MARK3: variants seen among roughly 807,000 people sequenced by gnomAD.
MARK3 encodes MAP/microtubule affinity-regulating kinase 3.
A neutral mutation model predicts 90.1 loss-of-function variants in MARK3; 46 were observed. The observed-to-expected ratio is 0.51, with a 90% CI of 0.40 to 0.65. The LOEUF is 0.65. Among genes scored for constraint, MARK3 ranks in the 30% least tolerant of loss-of-function variants. MARK3 has a pLI of 0.00. For missense variants in MARK3, 818 were observed against 947.2 expected, an observed-to-expected ratio of 0.86 and a Z score of 1.79; for synonymous variants, 321 against 332.6, an observed-to-expected ratio of 0.97 and a Z score of 0.38.
intron 15 of MARK3, among the ~76,000 whole-genome samples, chr14:103,492,346 G>A (rs2094031132): frequency 1.3e-5 from 2 of 152,054 alleles, no homozygotes; most frequent in African/African-American, 4.8e-5. Flanking sequence ...GGCAGACCTC[G>A]AGTTCTGGTG....
intron 14 of MARK3, chr14:103,490,172 A>C (rs987885713): frequency 1.3e-5 from 2 of 152,148 alleles, no homozygotes; most frequent in African/African-American, 4.8e-5. Flanking sequence ...AAAATTAGCC[A>C]GGCATGGTGG....
In MARK3 at chr14:103,468,194, T is replaced by C. The variant is rs745843076; in HGVS notation, c.1264+8T>C. 1.2e-6 allele frequency: 2 copies of C among 1,612,862 alleles called. No homozygotes were observed. The highest frequency in any genetic ancestry group is 1.7e-6 in the Non-Finnish European group (2 of 1,179,420). ...GACGCTACAGTGACCATGGTAAGTTTTGGAGTATCCCAGTGCCTTCTCTTA... is the reference window on the plus strand; with the variant it reads ...GACGCTACAGTGACCATGGTAAGTTCTGGAGTATCCCAGTGCCTTCTCTTA... On this transcript the variant is annotated splice_region_variant and intron_variant, in intron 12 of 17. Coordinates refer to ENST00000429436, the MANE Select transcript of MARK3 (RefSeq NM_001128918.3).
intron 3 of MARK3, among the ~76,000 whole-genome samples, chr14:103,431,593 C>T (rs1298701310): frequency 6.6e-6 from 1 of 151,970 alleles, no homozygotes; most frequent in Non-Finnish European, 1.5e-5. Context: ...CAAAAAAAAA[C>T]AAGAAATTTG....
At chr14:103,445,080 T>C (rs2092960563) in intron 3 of MARK3, among the ~76,000 whole-genome samples, 1 of 152,204 alleles carries the variant, frequency 6.6e-6, no homozygotes, top group African/African-American at 2.4e-5. Flanking sequence ...TGTTGATTTT[T>C]TTTTTTAGTT....
intron 1 of MARK3, among the ~76,000 whole-genome samples, chr14:103,389,813 G>A (rs1018516875): frequency 6.7e-5 from 10 of 149,544 alleles, no homozygotes; most frequent in African/African-American, 2.0e-4. Context: ...GTGCGGTGGC[G>A]GGCACCTGTA....
chr14:103,495,395 G>C (rs1487189071), intron 15 of MARK3, among the ~76,000 whole-genome samples: 1 of 151,644 alleles, frequency 6.6e-6, no homozygotes, highest in Non-Finnish European at 1.5e-5. Context: ...CAAGAGGATG[G>C]CTTGAACCCA....
chr14:103,441,116 A>G (rs1412758171), intron 3 of MARK3, among the ~76,000 whole-genome samples: 2 of 152,032 alleles, frequency 1.3e-5, no homozygotes, highest in African/African-American at 2.4e-5. Flanking sequence ...GGATATCATT[A>G]TATATCATGG....
In MARK3 at chr14:103,480,445, C is replaced by G; in HGVS notation, c.1541C>G (p.Thr514Ser). Residue 514 changes from threonine (T) to serine (S), a missense_variant, in exon 14 of 18, where the codon ACT becomes AGT. Physicochemically the swap from Thr to Ser is moderately conservative, Grantham distance 58. Coordinates refer to ENST00000429436, the MANE Select transcript of MARK3 (RefSeq NM_001128918.3). The part of the protein sequence containing the change: ...RRNTYVCSER[T>S]TADRHSVIQN... ...AATACTTATGTTTGCAGTGAGAGAACTACAGCTGATAGACACTCAGTGATT... is the reference window on the plus strand; with the variant it reads ...AATACTTATGTTTGCAGTGAGAGAAGTACAGCTGATAGACACTCAGTGATT... The G allele has an allele frequency of 6.2e-7, 1 of 1,613,480 alleles. No individual in the cohort carries two copies. The highest frequency in any genetic ancestry group is 1.7e-4 in the Middle Eastern group (1 of 6,060).
At chr14:103,389,196 C>T (rs1566748984) in intron 1 of MARK3, among the ~76,000 whole-genome samples, 1 of 151,570 alleles carries the variant, frequency 6.6e-6, no homozygotes, top group Non-Finnish European at 1.5e-5. Context: ...AACCCTGTCT[C>T]TACTAAAAAT....
chr14:103,459,599 A>G (rs779432703), intron 6 of MARK3, among the ~76,000 whole-genome samples: 1 of 152,056 alleles, frequency 6.6e-6, no homozygotes, highest in Non-Finnish European at 1.5e-5. Context: ...TCCCAGGTTC[A>G]AGCAATTCTC....
chr14:103,433,252 AT>A (rs2092636166), intron 3 of MARK3, among the ~76,000 whole-genome samples: 1 of 151,450 alleles, frequency 6.6e-6, no homozygotes, highest in African/African-American at 2.4e-5. Context: ...CGCCTGGCTA[AT>A]TTTTGTATTT....
In MARK3 at chr14:103,467,171, T is replaced by C. The variant is rs1192154599; in HGVS notation, c.1090T>C (p.Leu364=). The part of the protein sequence containing the change: ...YDEITATYLL[L]GRKSSELDAS... ...TGAAATCACAGCTACATATTTGTTA[T>C]TGGGGAGAAAATCTTCAGAGGTAAG... The change falls in exon 11 of 18, where the codon TTG becomes CTG. Residue 364 remains leucine, a synonymous_variant. Coordinates refer to ENST00000429436, the MANE Select transcript of MARK3 (RefSeq NM_001128918.3). 3 of 1,585,990 alleles carry C rather than the reference T, an allele frequency of 1.9e-6. No individual in the cohort carries two copies. The Admixed American group carries it at 5.1e-5, about 27-fold the overall frequency.
At chr14:103,387,879 C>T (rs2089934704) in intron 1 of MARK3, among the ~76,000 whole-genome samples, 1 of 152,076 alleles carries the variant, frequency 6.6e-6, no homozygotes, top group South Asian at 2.1e-4. Flanking sequence ...TAAACTGAAG[C>T]CAAAAACAGT....
At chr14:103,399,715 A>G (rs1435204191) in intron 1 of MARK3, among the ~76,000 whole-genome samples, 77 of 28,030 alleles carry the variant, frequency 2.7e-3, no homozygotes, top group East Asian at 7.8e-3. Flanking sequence ...AAAAAAAAGA[A>G]AAAAAAAAAA....
chr14:103,419,239 C>T (rs1003867057), intron 2 of MARK3, among the ~76,000 whole-genome samples: 11 of 151,966 alleles, frequency 7.2e-5, no homozygotes, highest in Admixed American at 6.6e-5. Context: ...TGCAGTGAGC[C>T]GAGATTGTAC....
intron 2 of MARK3, among the ~76,000 whole-genome samples, chr14:103,420,569 T>A (rs2092168175): frequency 6.6e-6 from 1 of 152,180 alleles, no homozygotes; most frequent in African/African-American, 2.4e-5. Context: ...ACATACAACA[T>A]AAAAGTTATA....
At chr14:103,489,312 G>A (rs572556955) in intron 14 of MARK3, 78 of 152,396 alleles carry the variant, frequency 5.1e-4, no homozygotes, top group African/African-American at 1.8e-3. Flanking sequence ...TTCCAGGAGG[G>A]AATGATAGAA....
chr14:103,497,742 C>T (rs1242588999), intron 15 of MARK3, among the ~76,000 whole-genome samples: 4 of 152,014 alleles, frequency 2.6e-5, no homozygotes, highest in African/African-American at 9.7e-5. Context: ...TTTCATTTTC[C>T]TGAAAGAAGT....
At chr14:103,491,140 T>C in intron 14 of MARK3, 2 of 1,239,550 alleles carry the variant, frequency 1.6e-6, no homozygotes, top group Non-Finnish European at 2.1e-6. Context: ...GTGAAACTAA[T>C]GTGTACCCAC....
Sources: allele counts gnomAD v4.1 joint callset (sites outside exome capture counted in the v4.1 genomes callset), GRCh38; gene constraint gnomAD v4.1.1; transcripts MANE v1.5; gene names NCBI Gene and HGNC (gene_info 2026-07-23, HGNC 2026-07-21).